Variants in SCN10A observed in about 807,000 individuals in gnomAD.
SCN10A encodes the protein sodium channel protein type 10 subunit alpha.
A neutral mutation model predicts 170.7 loss-of-function variants in SCN10A; 162 were observed. That is an observed-to-expected ratio of 0.95 (90% CI 0.84 to 1.08). SCN10A has a LOEUF of 1.08. Ranked by LOEUF, SCN10A falls within the 50% of genes least tolerant of loss-of-function variation. The pLI is 0.00. For missense variants in SCN10A, 2,527 were observed against 2,436.9 expected, an observed-to-expected ratio of 1.04 and a Z score of -0.78; for synonymous variants, 985 against 904.6, an observed-to-expected ratio of 1.09 and a Z score of -1.59.
At chr3:38,812,010 G>A (rs1478630791) in intron 1 of SCN10A, among the ~76,000 whole-genome samples, 1 of 152,208 alleles carries the variant, frequency 6.6e-6, no homozygotes, top group Non-Finnish European at 1.5e-5. Flanking sequence ...TACTTCCTGA[G>A]CACCTTGATC....
Position 38,697,724 on chromosome 3 carries a change from A to C in SCN10A, c.5496T>G (p.Thr1832=). ...GTTCATAGGATGATTTTGAAAGATT[A>C]GTTGCCATAAACTTCTCCTCCATAT... is the stretch of plus-strand genomic sequence containing the variant. ...KANMEEKFMA[T]NLSKSSYEPI... The change falls in exon 28 of 28, where the codon ACT becomes ACG. Residue 1832 remains threonine, a synonymous_variant. Transcript: ENST00000449082. 6.2e-7 allele frequency: 1 copy of C among 1,614,156 alleles called. No homozygotes were observed. Among genetic ancestry groups the C allele is most frequent in the Non-Finnish European group, 8.5e-7 (1 of 1,180,028 alleles).
intron 1 of SCN10A, among the ~76,000 whole-genome samples, chr3:38,799,772 T>C (rs1337704315): frequency 1.3e-5 from 2 of 152,188 alleles, no homozygotes; most frequent in African/African-American, 4.8e-5. Flanking sequence ...TTTTTTCAGG[T>C]GATTTATTCA....
intron 15 of SCN10A, among the ~76,000 whole-genome samples, chr3:38,732,563 T>TTA (rs1553617653): frequency 6.6e-6 from 1 of 152,054 alleles, no homozygotes; most frequent in Non-Finnish European, 1.5e-5. Context: ...TGAAAAAAGG[T>TTA]ATTGCCTTTT....
At chr3:38,751,075 A>G (rs2063742030) in intron 12 of SCN10A, among the ~76,000 whole-genome samples, 1 of 152,192 alleles carries the variant, frequency 6.6e-6, no homozygotes, top group Non-Finnish European at 1.5e-5. Context: ...AGGTTTGGTT[A>G]ATGGGAGACA....
chr3:38,725,290 T>A lies in SCN10A; in HGVS notation c.3112A>T (p.Arg1038Trp), dbSNP rs1488359815. ...CTGGGTGTCAGGTGGTCCCCACACC[T>A]CTCGACTTGCTGCAGCTGCTCCTGC... ...GQQEQLQQVE[R>W]CGDHLTPRSP... Residue 1038 changes from arginine (R) to tryptophan (W), a missense_variant, in exon 18 of 28, where the codon AGG (arginine) becomes TGG (tryptophan). By Grantham distance (101) the Arg-to-Trp change is moderately radical (BLOSUM62 -3). Transcript: ENST00000449082. 1.9e-6 allele frequency: 3 copies of A among 1,581,276 alleles called. No homozygotes were observed. The South Asian group carries it at 3.4e-5, about 18-fold the overall frequency.
intron 5 of SCN10A, among the ~76,000 whole-genome samples, chr3:38,770,644 GA>G (rs1230857241): frequency 2.6e-5 from 4 of 152,148 alleles, no homozygotes; most frequent in Non-Finnish European, 5.9e-5. Flanking sequence ...TCCCCACTGA[GA>G]AAGAAAGCAT....
intron 4 of SCN10A, among the ~76,000 whole-genome samples, chr3:38,778,992 T>C (rs2064106996): frequency 6.6e-6 from 1 of 152,034 alleles, no homozygotes; most frequent in Non-Finnish European, 1.5e-5. Flanking sequence ...GATTTGATAA[T>C]TACTGGGAAT....
intron 3 of SCN10A, among the ~76,000 whole-genome samples, chr3:38,791,826 C>T (rs2064284594): frequency 6.6e-6 from 1 of 152,172 alleles, no homozygotes; most frequent in Non-Finnish European, 1.5e-5. Flanking sequence ...TGAGGTGAAT[C>T]CAAACCACCT....
intron 4 of SCN10A, among the ~76,000 whole-genome samples, chr3:38,774,136 G>A (rs1422840896): frequency 4.6e-5 from 7 of 152,098 alleles, no homozygotes; most frequent in African/African-American, 7.2e-5. Context: ...AGGAGAAATC[G>A]TGTTTGAAAT....
At position 38,736,976 on chromosome 3, in the gene SCN10A, T is replaced by TTTTTTTTTTTTTTG. The variant is rs1356323030; in HGVS notation, c.2280+2538_2280+2539insCAAAAAAAAAAAAA. On this transcript the variant is annotated intron_variant, in intron 15 of 27. Transcript: ENST00000449082. ...GCAGAAATGTTCGTTTTTTTTTTTT[T>TTTTTTTTTTTTTTG]TTTTTTTTTTTTGAGACGGAGTCCC... Among the ~76,000 whole-genome samples the TTTTTTTTTTTTTTG allele has an allele frequency of 1.5e-4, 16 of 106,214 alleles. 1 individual carries two copies. The highest frequency in any genetic ancestry group is 1.8e-4 in the Non-Finnish European group (9 of 48,970). 69.7% of individuals were successfully genotyped at this position (106,214 alleles called of 152,430 possible).
intron 14 of SCN10A, among the ~76,000 whole-genome samples, chr3:38,740,535 T>C (rs7615140): frequency 0.41 from 62,321 of 152,044 alleles, 13,672 homozygotes; most frequent in East Asian, 0.79. Context: ...CTATGGAGTG[T>C]CCCTTGTAGG....
At chr3:38,744,256 G>A (rs138446432) in intron 13 of SCN10A, among the ~76,000 whole-genome samples, 33 of 152,254 alleles carry the variant, frequency 2.2e-4, no homozygotes, top group African/African-American at 7.7e-4. Context: ...CTGGGGAGCA[G>A]GAAGGGTCTA....
At chr3:38,723,084 C>T (rs1056556718) in intron 19 of SCN10A, among the ~76,000 whole-genome samples, 1 of 152,186 alleles carries the variant, frequency 6.6e-6, no homozygotes, top group African/African-American at 2.4e-5. Context: ...CCTCTGGGTC[C>T]TTCATGGTCC....
chr3:38,718,607 A>C, intron 21 of SCN10A, 46 bp downstream of exon 21: 1 of 1,600,442 alleles, frequency 6.2e-7, no homozygotes, highest in Non-Finnish European at 8.5e-7. Flanking sequence ...GCCAGGAGTC[A>C]GAGGGGAGGA....
chr3:38,797,565 T>C (rs2064347744), intron 1 of SCN10A, among the ~76,000 whole-genome samples: 1 of 152,238 alleles, frequency 6.6e-6, no homozygotes, highest in Non-Finnish European at 1.5e-5. Context: ...CTGATTAACA[T>C]GGTGTATTTA....
chr3:38,779,160 A>G (rs2064109372), intron 4 of SCN10A, among the ~76,000 whole-genome samples: 2 of 152,120 alleles, frequency 1.3e-5, no homozygotes, highest in African/African-American at 2.4e-5. Flanking sequence ...CAAAAAATTA[A>G]TATGTGGTGG....
In SCN10A at chr3:38,771,268, G is replaced by GAT. The variant is rs750166682; in HGVS notation, c.599+9_599+10dup. 1.4e-4 allele frequency: 227 copies of GAT among 1,613,586 alleles called. 2 individuals are homozygous for GAT. Among genetic ancestry groups the GAT allele is most frequent in the South Asian group, 6.8e-4 (62 of 90,982 alleles). ...TATCACACATGCAGATCTGCATAGA[G>GAT]ATATACTCACGCCAGGGTAATGACG... On this transcript the variant is annotated intron_variant, in intron 5 of 27. Coordinates refer to ENST00000449082, the MANE Select transcript of SCN10A (RefSeq NM_006514.4).
intron 4 of SCN10A, among the ~76,000 whole-genome samples, chr3:38,787,979 C>T (rs2064228836): frequency 6.6e-6 from 1 of 151,988 alleles, no homozygotes; most frequent in Non-Finnish European, 1.5e-5. Flanking sequence ...ATCCATGTCC[C>T]TGCAAAGGAC....
At chr3:38,771,481 G>T in intron 4 of SCN10A, 74 bp from the exon 5 acceptor site, 1 of 1,510,686 alleles carries the variant, frequency 6.6e-7, no homozygotes, top group Non-Finnish European at 9.1e-7. Flanking sequence ...TTCCAGGAGG[G>T]AGGGATGACC....
Sources: allele counts gnomAD v4.1 joint callset (sites outside exome capture counted in the v4.1 genomes callset), GRCh38; gene constraint gnomAD v4.1.1; transcripts MANE v1.5; gene names NCBI Gene and HGNC (gene_info 2026-07-23, HGNC 2026-07-21).